The following CHD5 variants were observed in gnomAD, a reference collection of about 807,000 sequenced individuals.
The protein encoded by CHD5 is chromodomain helicase DNA binding protein 5.
In CHD5, 69 loss-of-function variants were observed where a neutral mutation model predicts 230.3. The observed-to-expected ratio is 0.30, with a 90% CI of 0.25 to 0.37. CHD5 has a LOEUF of 0.37. Among genes scored for constraint, CHD5 ranks in the 10% least tolerant of loss-of-function variants. CHD5 has a pLI of 1.00. For synonymous variants in CHD5, 1,064 were observed against 1,065.9 expected (o/e 1.00, Z 0.03); for missense variants, 1,827 against 2,622.8 (o/e 0.70, Z 6.63).
At chr1:6,178,224 C>T (rs990116069) in intron 1 of CHD5, among the ~76,000 whole-genome samples, 1 of 152,112 alleles carries the variant, frequency 6.6e-6, no homozygotes, top group Admixed American at 6.5e-5. Flanking sequence ...GCAGGATGAC[C>T]AGAGCCCCGC....
intron 33 of CHD5, among the ~76,000 whole-genome samples, chr1:6,119,708 TAC>T (rs1351191047): frequency 6.6e-6 from 1 of 151,766 alleles, no homozygotes; most frequent in South Asian, 2.1e-4. Context: ...CATATATATA[TAC>T]GTGTGTGTAT....
chr1:6,162,656 C>T (rs1667195912), intron 2 of CHD5, among the ~76,000 whole-genome samples: 1 of 152,110 alleles, frequency 6.6e-6, no homozygotes, highest in Admixed American at 6.6e-5. Context: ...TCTGATAATG[C>T]CCAGAAAATG....
rs769935322 is a variant in CHD5, at chr1:6,136,481, C to T, written c.2696+36G>A. 3.7e-6 allele frequency: 6 copies of T among 1,607,942 alleles called. No individual in the cohort carries two copies. The South Asian group carries it at 6.6e-5, about 18-fold the overall frequency. ...CGTCTTCACTGGGGCCACCCAGCCC[C>T]ACCACCACCTCCCTAGCCAGATCCA... On this transcript the variant is annotated intron_variant, in intron 17 of 41. Coordinates refer to ENST00000262450, the MANE Select transcript of CHD5 (RefSeq NM_015557.3).
Position 6,125,115 on chromosome 1 carries a change from C to A in CHD5, c.4379G>T (p.Ser1460Ile), listed in dbSNP as rs377385106. The part of the protein sequence containing the change: ...HWLVRDLRGK[S>I]EKEFRAYVSL... Reference sequence around the variant, plus strand: ...GCCCCTTTACCTAAACTCCTTCTCGCTCTTCCCTCGAAGGTCCCGCACCAG... The same window carrying A: ...GCCCCTTTACCTAAACTCCTTCTCGATCTTCCCTCGAAGGTCCCGCACCAG... The change falls in exon 29 of 42, where the codon AGC becomes ATC. Residue 1460 changes from serine to isoleucine, a missense_variant. By Grantham distance (142) the Ser-to-Ile change is moderately radical (BLOSUM62 -2). Transcript: ENST00000262450. The surrounding 1 kb of genome is among the most constrained non-coding windows in gnomAD (Gnocchi z 6.7). 21 of 1,595,354 alleles carry A rather than the reference C, an allele frequency of 1.3e-5. 1 individual carries two copies. In the African/African-American group the frequency reaches 1.9e-4, roughly 14 times the overall value.
chr1:6,146,596 G>T lies in CHD5; in HGVS notation c.1590+69C>A. The T allele has an allele frequency of 1.3e-6, 2 of 1,540,144 alleles. No individual in the cohort carries two copies. The highest frequency in any genetic ancestry group is 1.8e-6 in the Non-Finnish European group (2 of 1,115,064). On this transcript the variant is annotated intron_variant, in intron 10 of 41. Transcript: ENST00000262450. This position sits in a 1 kb window ranked among gnomAD's most constrained non-coding sequence, Gnocchi z 5.1. ...GTCAGAGGCGCTTCAGCCCCTTCCC[G>T]CCAGCCCAGGAGGGTCCAGGGCTCA...
chr1:6,120,666 G>C (rs1256663348), intron 33 of CHD5, among the ~76,000 whole-genome samples: 1 of 152,122 alleles, frequency 6.6e-6, no homozygotes. Flanking sequence ...GTTGGGTGTG[G>C]TGGTATGCAC....
At chr1:6,166,769 C>T (rs576857012) in intron 2 of CHD5, among the ~76,000 whole-genome samples, 84 of 152,148 alleles carry the variant, frequency 5.5e-4, no homozygotes, top group Non-Finnish European at 1.1e-3. Context: ...CCCTCGCCCC[C>T]CACCACCACC....
chr1:6,155,742 G>A lies in CHD5; in HGVS notation c.388-25C>T. 2 of 1,588,922 alleles carry A rather than the reference G, an allele frequency of 1.3e-6. No individual in the cohort carries two copies. The highest frequency in any genetic ancestry group is 1.3e-5 in the African/African-American group (1 of 74,370). ...CCTACAGAGACCCAGGCCAGAGGTA[G>A]AGTTGTTGAGGGGCCTTCTGACCTG... On this transcript the variant is annotated intron_variant, in intron 3 of 41. Coordinates refer to ENST00000262450, the MANE Select transcript of CHD5 (RefSeq NM_015557.3). The surrounding 1 kb of genome is among the most constrained non-coding windows in gnomAD (Gnocchi z 4.0).
intron 1 of CHD5, among the ~76,000 whole-genome samples, chr1:6,177,191 A>C (rs1020383456): frequency 6.6e-6 from 1 of 152,206 alleles, no homozygotes; most frequent in African/African-American, 2.4e-5. Context: ...TCCAGCCACA[A>C]ACTTCCATCT....
At chr1:6,169,980 C>A (rs12138670) in intron 1 of CHD5, among the ~76,000 whole-genome samples, 37,363 of 151,958 alleles carry the variant, frequency 0.25, 7,757 homozygotes, top group African/African-American at 0.57. Flanking sequence ...TGGGACCCCG[C>A]GGAGGACGAG....
intron 13 of CHD5, 78 bp downstream of exon 13, chr1:6,143,745 A>C (rs1666867260): frequency 1.6e-6 from 2 of 1,270,310 alleles, no homozygotes; most frequent in Non-Finnish European, 2.3e-6. Flanking sequence ...TTGAGAACAC[A>C]CACCCCCTGC....
Position 6,113,021 on chromosome 1 carries a change from G to A in CHD5, c.4913-23C>T, listed in dbSNP as rs186990769. The A allele has an allele frequency of 1.4e-4, 207 of 1,530,120 alleles. 1 individual carries two copies. The South Asian group carries it at 1.6e-3, about 12-fold the overall frequency. 94.8% of individuals were successfully genotyped at this position (1,530,120 alleles called of 1,614,324 possible). On this transcript the variant is annotated intron_variant, in intron 33 of 41. Coordinates refer to ENST00000262450, the MANE Select transcript of CHD5 (RefSeq NM_015557.3). ...CCTCTGCAAGAAAAAGAGGGTTCGC[G>A]GCATGGGGTGGGGTCCCAGAAAACA...
intron 1 of CHD5, among the ~76,000 whole-genome samples, chr1:6,175,385 G>A (rs11121415): frequency 0.083 from 10,553 of 126,800 alleles, 1,351 homozygotes; most frequent in African/African-American, 0.36. Context: ...GATGGTGGAT[G>A]GATGCATGGA....
intron 37 of CHD5, 92 bp from the exon 38 acceptor site, chr1:6,110,082 G>T: frequency 8.3e-7 from 1 of 1,209,856 alleles, no homozygotes; most frequent in South Asian, 1.6e-5. Context: ...AAGGCTCCCG[G>T]CAGAAAGGAG....
chr1:6,114,555 A>G (rs921027510), intron 33 of CHD5, among the ~76,000 whole-genome samples: 1 of 152,032 alleles, frequency 6.6e-6, no homozygotes, highest in Admixed American at 6.6e-5. Flanking sequence ...ATCACAAAAA[A>G]AATCTCATAA....
intron 6 of CHD5, among the ~76,000 whole-genome samples, chr1:6,151,358 C>T (rs1667005418): frequency 6.6e-6 from 1 of 152,194 alleles, no homozygotes; most frequent in Non-Finnish European, 1.5e-5. Flanking sequence ...TACCCAGAGC[C>T]CTGCTCTCCA....
intron 6 of CHD5, among the ~76,000 whole-genome samples, chr1:6,151,496 ATC>A (rs1667007126): frequency 6.6e-6 from 1 of 152,078 alleles, no homozygotes; most frequent in African/African-American, 2.4e-5. Flanking sequence ...GTCTTCCCAG[ATC>A]TCTCCTTTAC....
intron 9 of CHD5, among the ~76,000 whole-genome samples, chr1:6,147,097 C>G (rs1666924163): frequency 6.6e-6 from 1 of 152,216 alleles, no homozygotes; most frequent in Non-Finnish European, 1.5e-5. Context: ...GTGGCCCTTT[C>G]ACTCAATGGT....
In CHD5 at chr1:6,125,659, C is replaced by T. The variant is rs1437665149; in HGVS notation, c.4172-47G>A. 6.2e-7 allele frequency: 1 copy of T among 1,610,070 alleles called. No individual in the cohort carries two copies. On this transcript the variant is annotated intron_variant, in intron 27 of 41. Coordinates refer to ENST00000262450, the MANE Select transcript of CHD5 (RefSeq NM_015557.3). The surrounding 1 kb of genome is among the most constrained non-coding windows in gnomAD (Gnocchi z 6.7). ...TTCCTCAGGTGGGAGCCCAGAGATT[C>T]CTGATCCCCAAGGACAGCGGGACCC... is the stretch of plus-strand genomic sequence containing the variant.
Sources: gnomAD v4.1 joint callset for allele counts (sites outside exome capture counted in the v4.1 genomes callset) on GRCh38, gnomAD v4.1.1 for gene constraint, Gnocchi (gnomAD v3.1) non-coding constraint, MANE v1.5 for transcripts, NCBI Gene and HGNC (gene_info 2026-07-23, HGNC 2026-07-21) for gene names.